Variants in MAPKAPK2 observed in about 807,000 individuals in gnomAD.
MAPKAPK2 encodes the protein MAPK activated protein kinase 2.
A neutral mutation model predicts 48.8 loss-of-function variants in MAPKAPK2; 9 were observed. The ratio of observed to expected loss-of-function variants is 0.18; its 90% CI spans 0.11 to 0.32. The LOEUF (loss-of-function observed/expected upper bound fraction) is 0.32, where lower values mean the gene tolerates loss of function less well. Among genes scored for constraint, MAPKAPK2 ranks in the 10% least tolerant of loss-of-function variants. The pLI, the probability that MAPKAPK2 is intolerant of heterozygous loss-of-function variation, is 1.00. For missense variants in MAPKAPK2, 331 were observed against 498.3 expected (o/e 0.66, Z 3.20); for synonymous variants, 202 against 190.6 (o/e 1.06, Z -0.49).
rs58152125 is a variant in MAPKAPK2, at chr1:206,731,299, CGTGT to C, written c.892+54_892+57del. On this transcript the variant is annotated intron_variant, in intron 7 of 9. Coordinates refer to ENST00000367103, the MANE Select transcript of MAPKAPK2 (RefSeq NM_032960.4). This position sits in a 1 kb window ranked among gnomAD's most constrained non-coding sequence, Gnocchi z 5.9. ...GGCTTTCAGGACAAGGGGAAGAGCC[CGTGT>C]GTGTGTGTGTGTGTGTATGTGTGTA... is the stretch of plus-strand genomic sequence containing the variant. The C allele has an allele frequency of 1.9e-5, 30 of 1,559,564 alleles. No individual in the cohort carries two copies. The highest frequency in any genetic ancestry group is 1.9e-4 in the East Asian group (8 of 42,764).
Position 206,730,029 on chromosome 1 carries a change from T to C in MAPKAPK2, c.622T>C (p.Phe208Leu). ...CAACGCCATCCTGAAACTCACTGAC[T>C]TTGGCTTTGCCAAGGAAACCACCAG... ...RPNAILKLTD[F>L]GFAKETTSHN... Residue 208 changes from phenylalanine (F) to leucine (L), a missense_variant, in exon 5 of 10, where the codon TTT (phenylalanine) becomes CTT (leucine). This residue lies in a region of MAPKAPK2 where 111 missense variants were observed against 193.6 expected (regional missense o/e 0.57). Coordinates refer to ENST00000367103, the MANE Select transcript of MAPKAPK2 (RefSeq NM_032960.4). 6.2e-7 allele frequency: 1 copy of C among 1,614,256 alleles called. No individual in the cohort carries two copies. Among genetic ancestry groups the C allele is most frequent in the South Asian group, 1.1e-5 (1 of 91,090 alleles).
intron 1 of MAPKAPK2, among the ~76,000 whole-genome samples, chr1:206,699,838 G>T (rs1367893776): frequency 6.6e-6 from 1 of 152,142 alleles, no homozygotes; most frequent in Non-Finnish European, 1.5e-5. Flanking sequence ...TAGTGCAGAT[G>T]GGAAAGTGAA....
chr1:206,713,748 C>T (rs1673232451), intron 1 of MAPKAPK2, among the ~76,000 whole-genome samples: 2 of 152,144 alleles, frequency 1.3e-5, no homozygotes, highest in Admixed American at 6.6e-5. Context: ...TGTCTGTAGT[C>T]CCAGCTAGTC....
intron 6 of MAPKAPK2, 118 bp downstream of exon 6, chr1:206,730,881 G>A (rs1429747735): frequency 1.2e-5 from 13 of 1,126,054 alleles, no homozygotes; most frequent in East Asian, 2.4e-5. Flanking sequence ...AGTCCCCTGC[G>A]TGCCCCTTCT....
intron 3 of MAPKAPK2, 47 bp downstream of exon 3, chr1:206,729,146 G>T: frequency 6.3e-7 from 1 of 1,595,680 alleles, no homozygotes; most frequent in Non-Finnish European, 8.6e-7. Context: ...GCAGGGCAGT[G>T]GGGGTCTGAA....
rs193214868 is a variant in MAPKAPK2 at position 206,723,053 on chromosome 1, C to G, written c.280-5657C>G. Among the ~76,000 whole-genome samples, 338 of 152,352 alleles carry G rather than the reference C, an allele frequency of 2.2e-3. 2 individuals are homozygous for G. The Middle Eastern group carries it at 0.034, about 15-fold the overall frequency. ...CAACACACTTGGTGCCAGAATCAGC[C>G]TTTTGCATCGCTCTTGGCGCTGAAT... On this transcript the variant is annotated intron_variant, in intron 1 of 9. Coordinates refer to ENST00000367103, the MANE Select transcript of MAPKAPK2 (RefSeq NM_032960.4).
chr1:206,724,154 G>T (rs375583548), intron 1 of MAPKAPK2, among the ~76,000 whole-genome samples: 1 of 152,152 alleles, frequency 6.6e-6, no homozygotes, highest in Admixed American at 6.5e-5. Context: ...GGGCCTGTTG[G>T]CCTTCACTGC....
chr1:206,690,486 G>A (rs1672424895), intron 1 of MAPKAPK2, among the ~76,000 whole-genome samples: 1 of 152,258 alleles, frequency 6.6e-6, no homozygotes, highest in South Asian at 2.1e-4. Flanking sequence ...GGGTGTCTAG[G>A]AAACAAAAGA....
At chr1:206,686,047 C>T (rs1672277576) in intron 1 of MAPKAPK2, among the ~76,000 whole-genome samples, 1 of 152,144 alleles carries the variant, frequency 6.6e-6, no homozygotes, top group Admixed American at 6.5e-5. Flanking sequence ...GGCAGCCGGG[C>T]CGCCTTGGGG....
At chr1:206,715,230 G>T (rs1673290473) in intron 1 of MAPKAPK2, among the ~76,000 whole-genome samples, 1 of 152,238 alleles carries the variant, frequency 6.6e-6, no homozygotes, top group Non-Finnish European at 1.5e-5. Context: ...CATTTTGTGT[G>T]TTAGAGTCTC....
intron 1 of MAPKAPK2, among the ~76,000 whole-genome samples, chr1:206,690,037 G>T (rs1672408091): frequency 6.6e-6 from 1 of 152,176 alleles, no homozygotes; most frequent in Admixed American, 6.5e-5. Context: ...GAGAGGTGTG[G>T]TGACATTGGC....
chr1:206,733,070 GT>G lies in MAPKAPK2; in HGVS notation c.*355del. The G allele has an allele frequency of 4.5e-6, 1 of 220,806 alleles. No individual in the cohort carries two copies. Among genetic ancestry groups the G allele is most frequent in the Non-Finnish European group, 9.0e-6 (1 of 110,698 alleles). The allele number at this position is 220,806 out of a possible 1,614,324, so 13.7% of individuals were successfully genotyped here. On this transcript the variant is annotated 3_prime_UTR_variant, in exon 10 of 10. Transcript: ENST00000367103. ...TCTCTGGATACTGCAAAGGCTTGTG[GT>G]TTGTTAGAGGGTATTTGTGGAAACT...
intron 1 of MAPKAPK2, among the ~76,000 whole-genome samples, chr1:206,718,289 T>C (rs1553430705): frequency 2.0e-5 from 3 of 152,164 alleles, no homozygotes. Context: ...CCCAGCACTT[T>C]GGGAGGCCGA....
chr1:206,687,046 T>C (rs549525968), intron 1 of MAPKAPK2, among the ~76,000 whole-genome samples: 1 of 152,304 alleles, frequency 6.6e-6, no homozygotes, highest in Admixed American at 6.5e-5. Flanking sequence ...GTTGGGTGAA[T>C]ACAGTTTGAC....
At chr1:206,727,483 C>T (rs782208097) in intron 1 of MAPKAPK2, among the ~76,000 whole-genome samples, 1 of 152,168 alleles carries the variant, frequency 6.6e-6, no homozygotes, top group Non-Finnish European at 1.5e-5. Context: ...TGCCATTTCT[C>T]CTGGTTGCCT....
In MAPKAPK2 at chr1:206,732,208, G is replaced by A. The variant is rs1179036002; in HGVS notation, c.1059+289G>A. On this transcript the variant is annotated intron_variant, in intron 9 of 9. Coordinates refer to ENST00000367103, the MANE Select transcript of MAPKAPK2 (RefSeq NM_032960.4). This position sits in a 1 kb window ranked among gnomAD's most constrained non-coding sequence, Gnocchi z 4.4. ...GGTATCATCTTCTCATTTTGCAGAA[G>A]AGAAACTGAGGCCCAGAGGCGGAGG... 4 of 1,565,738 alleles carry A rather than the reference G, an allele frequency of 2.6e-6. No individual in the cohort carries two copies. In the East Asian group the frequency reaches 6.9e-5, roughly 27 times the overall value.
intron 1 of MAPKAPK2, among the ~76,000 whole-genome samples, chr1:206,726,112 A>G (rs1673693979): frequency 6.6e-6 from 1 of 152,246 alleles, no homozygotes; most frequent in Non-Finnish European, 1.5e-5. Flanking sequence ...AAGGCTGGGC[A>G]TGGTGGCTCA....
intron 1 of MAPKAPK2, among the ~76,000 whole-genome samples, chr1:206,687,707 T>G (rs1392961366): frequency 1.3e-5 from 2 of 152,238 alleles, no homozygotes; most frequent in African/African-American, 4.8e-5. Flanking sequence ...GAATTTTGAT[T>G]AACCTCAGGT....
Position 206,730,783 on chromosome 1 carries a change from G to T in MAPKAPK2, c.767+20G>T. 1 of 1,553,142 alleles carries T rather than the reference G, an allele frequency of 6.4e-7. No individual in the cohort carries two copies. Among genetic ancestry groups the T allele is most frequent in the South Asian group, 1.1e-5 (1 of 89,932 alleles). ...CATCCTGTGAGTGTGCTGGGGAGGGGGCTGGGTGGGGCAGGGAGTCAGGGC... is the reference window on the plus strand; with the variant it reads ...CATCCTGTGAGTGTGCTGGGGAGGGTGCTGGGTGGGGCAGGGAGTCAGGGC... On this transcript the variant is annotated intron_variant, in intron 6 of 9. Transcript: ENST00000367103.
Sources: allele counts gnomAD v4.1 joint callset (sites outside exome capture counted in the v4.1 genomes callset), GRCh38; gene constraint gnomAD v4.1.1; regional missense constraint gnomAD v4.1.1; non-coding constraint Gnocchi (gnomAD v3.1); transcripts MANE v1.5; gene names NCBI Gene and HGNC (gene_info 2026-07-23, HGNC 2026-07-21).